The following GREB1 variants were observed in gnomAD, a reference collection of about 807,000 sequenced individuals.
GREB1 encodes protein GREB1.
A neutral mutation model predicts 200.7 loss-of-function variants in GREB1; 106 were observed. The observed-to-expected ratio is 0.53, with a 90% CI of 0.45 to 0.62. GREB1 has a LOEUF of 0.62. GREB1 is among the 20% of genes least tolerant of loss of function. The pLI, the probability that GREB1 is intolerant of heterozygous loss-of-function variation, is 0.00. For synonymous variants in GREB1, 1,132 were observed against 1,092.4 expected, an observed-to-expected ratio of 1.04 and a Z score of -0.72; for missense variants, 2,243 against 2,556.8, an observed-to-expected ratio of 0.88 and a Z score of 2.65.
intron 14 of GREB1, 91 bp downstream of exon 14, chr2:11,598,069 A>G: frequency 1.1e-6 from 1 of 911,016 alleles, no homozygotes; most frequent in East Asian, 2.4e-5. Context: ...TTTGCTATAG[A>G]GTGAATAGGG....
At chr2:11,489,473 T>C (rs527642493) in intron 1 of GREB1, among the ~76,000 whole-genome samples, 1 of 151,638 alleles carries the variant, frequency 6.6e-6, no homozygotes, top group Non-Finnish European at 1.5e-5. Context: ...GAAAAAAAAA[T>C]AAATAAAGAA....
At position 11,501,916 on chromosome 2, in the gene GREB1, T is replaced by G. The variant is rs1307532225; in HGVS notation, c.-159+19535T>G. Among the ~76,000 whole-genome samples the G allele has an allele frequency of 8.7e-3, 979 of 112,164 alleles. 36 individuals carry two copies. Among genetic ancestry groups the G allele is most frequent in the African/African-American group, 0.033 (894 of 27,166 alleles). The allele number at this position is 112,164 out of a possible 152,430, so 73.6% of individuals were successfully genotyped here. The stretch of plus-strand genomic sequence containing the variant: ...TCCTGTTTTTTTTTGTTTTTTTTTT[T>G]TTTTTTTTTTTTTTTTTGAGATGGA... On this transcript the variant is annotated intron_variant, in intron 1 of 2. Transcript: ENST00000628795.
intron 4 of GREB1, among the ~76,000 whole-genome samples, chr2:11,569,475 C>T (rs1436829893): frequency 6.6e-6 from 1 of 152,128 alleles, no homozygotes; most frequent in African/African-American, 2.4e-5. Flanking sequence ...CACACCGGCT[C>T]CCAGTGAGGA....
chr2:11,495,859 A>C (rs1558482794), intron 1 of GREB1, among the ~76,000 whole-genome samples: 1 of 149,388 alleles, frequency 6.7e-6, no homozygotes, highest in Non-Finnish European at 1.5e-5. Context: ...GAGTGGGGGA[A>C]GGAAGGGCCC....
chr2:11,617,687 G>A (rs895422232), intron 21 of GREB1, among the ~76,000 whole-genome samples: 22 of 152,296 alleles, frequency 1.4e-4, no homozygotes, highest in Non-Finnish European at 2.4e-4. Flanking sequence ...GCCTGGGTGC[G>A]GGGACGGGTG....
chr2:11,546,289 G>C (rs1242357181), intron 1 of GREB1, among the ~76,000 whole-genome samples: 1 of 152,150 alleles, frequency 6.6e-6, no homozygotes, highest in Non-Finnish European at 1.5e-5. Flanking sequence ...TTGTCATTGA[G>C]CTGTTGGAAG....
intron 32 of GREB1, 133 bp downstream of exon 32, chr2:11,638,942 C>T: frequency 1.1e-6 from 1 of 876,390 alleles, no homozygotes; most frequent in Non-Finnish European, 1.7e-6. Flanking sequence ...GAAGTGACTG[C>T]CTCAGCCACC....
In GREB1 at chr2:11,602,249, G is replaced by T. The variant is rs535437017; in HGVS notation, c.2530-157G>T. On this transcript the variant is annotated intron_variant, in intron 16 of 32. Transcript: ENST00000381486. Reference sequence around the variant, plus strand: ...GGAGGTACTTTGCTCTGCTTCTGCAGATGGAAGAAGTTTATAAAATGCCAT... The same window carrying T: ...GGAGGTACTTTGCTCTGCTTCTGCATATGGAAGAAGTTTATAAAATGCCAT... 4.5e-4 allele frequency among the ~76,000 whole-genome samples: 68 copies of T among 152,314 alleles called. 1 individual carries two copies. In the South Asian group the frequency reaches 0.014, roughly 31 times the overall value.
intron 3 of GREB1, chr2:11,563,217 C>T (rs1376969019): frequency 6.6e-6 from 1 of 152,256 alleles, no homozygotes; most frequent in East Asian, 1.9e-4. Context: ...AGGTGATCCA[C>T]CCACCTCAGC....
intron 23 of GREB1, among the ~76,000 whole-genome samples, chr2:11,621,225 A>G (rs1208784716): frequency 4.6e-5 from 7 of 152,174 alleles, no homozygotes; most frequent in Non-Finnish European, 7.3e-5. Flanking sequence ...CTGACTGTTT[A>G]CTGAGTACCT....
rs1477375685 is a variant in GREB1 at position 11,597,614 on chromosome 2, C to A, written c.1955-167C>A. On this transcript the variant is annotated intron_variant, in intron 13 of 32. Coordinates refer to ENST00000381486, the MANE Select transcript of GREB1 (RefSeq NM_014668.4). This position sits in a 1 kb window ranked among gnomAD's most constrained non-coding sequence, Gnocchi z 4.1. ...ATTGCTACCCCCACACCCGCCACTGCTTAGCTGAGAGCAGGGACTTGATAA... is the reference window on the plus strand; with the variant it reads ...ATTGCTACCCCCACACCCGCCACTGATTAGCTGAGAGCAGGGACTTGATAA... Among the ~76,000 whole-genome samples the A allele has an allele frequency of 6.6e-6, 1 of 152,180 alleles. No homozygotes were observed. The highest frequency in any genetic ancestry group is 2.4e-5 in the African/African-American group (1 of 41,446).
At chr2:11,639,510 C>T (rs1273559988) in intron 32 of GREB1, among the ~76,000 whole-genome samples, 3 of 152,232 alleles carry the variant, frequency 2.0e-5, no homozygotes, top group Non-Finnish European at 2.9e-5. Flanking sequence ...TTGGCTTTTA[C>T]GCCAGTCTTC....
Position 11,579,453 on chromosome 2 carries a change from G to A in GREB1, c.772+1022G>A, listed in dbSNP as rs143720476. ...GGCAATTGTAAGAATTAAATAAGGCGATAGTATGAGCAAGTACTCCAAGCG... is the reference window on the plus strand; with the variant it reads ...GGCAATTGTAAGAATTAAATAAGGCAATAGTATGAGCAAGTACTCCAAGCG... On this transcript the variant is annotated intron_variant, in intron 6 of 32. Transcript: ENST00000381486. Among the ~76,000 whole-genome samples the A allele has an allele frequency of 5.6e-3, 859 of 152,322 alleles. 12 individuals are homozygous for A. Among genetic ancestry groups the A allele is most frequent in the African/African-American group, 0.02 (830 of 41,564 alleles).
rs746596076 is a variant in GREB1, at chr2:11,493,639, C to T, written c.-159+11258C>T. Among the ~76,000 whole-genome samples the T allele has an allele frequency of 2.6e-5, 4 of 152,192 alleles. No homozygotes were observed. Among genetic ancestry groups the T allele is most frequent in the Non-Finnish European group, 4.4e-5 (3 of 68,040 alleles). The stretch of plus-strand genomic sequence containing the variant: ...CCTATGTAAAATTGGTTTCCTTATA[C>T]AGTATGTTATACTGAGCCAGTATTA... On this transcript the variant is annotated intron_variant, in intron 1 of 2. Coordinates refer to the GREB1 transcript ENST00000628795. This position sits in a 1 kb window ranked among gnomAD's most constrained non-coding sequence, Gnocchi z 4.6.
chr2:11,569,978 TTTAAAGGTTACC>T (rs1404563572), intron 4 of GREB1, among the ~76,000 whole-genome samples: 2 of 152,192 alleles, frequency 1.3e-5, no homozygotes, highest in African/African-American at 2.4e-5. Flanking sequence ...TCTAGCCTTC[TTTAAAGGTTACC>T]AACACGTGGC....
Position 11,580,505 on chromosome 2 carries a change from G to A in GREB1, c.773-199G>A, listed in dbSNP as rs998592900. Among the ~76,000 whole-genome samples, 1 of 152,128 alleles carries A rather than the reference G, an allele frequency of 6.6e-6. No homozygotes were observed. Among genetic ancestry groups the A allele is most frequent in the African/African-American group, 2.4e-5 (1 of 41,424 alleles). ...GTGTGTATGTGTGTACACGTGCATG[G>A]GGGTGTGTGTGTGTATGCATGTGTC... On this transcript the variant is annotated intron_variant, in intron 6 of 32. Transcript: ENST00000381486. This position sits in a 1 kb window ranked among gnomAD's most constrained non-coding sequence, Gnocchi z 4.5.
rs111609221 is a variant in GREB1, at chr2:11,499,718, A to G, written c.-159+17337A>G. Among the ~76,000 whole-genome samples the G allele has an allele frequency of 9.4e-4, 143 of 152,386 alleles. 1 individual carries two copies. In the East Asian group the frequency reaches 0.023, roughly 24 times the overall value. Reference sequence around the variant, plus strand: ...CAAAAACAAATTCCTCTACCTGGACATGACTGTTGTTAGCATTTTGGGAGA... The same window carrying G: ...CAAAAACAAATTCCTCTACCTGGACGTGACTGTTGTTAGCATTTTGGGAGA... On this transcript the variant is annotated intron_variant, in intron 1 of 2. Transcript: ENST00000628795.
At chr2:11,504,127 C>G (rs1192347452) in intron 1 of GREB1, among the ~76,000 whole-genome samples, 1 of 152,140 alleles carries the variant, frequency 6.6e-6, no homozygotes, top group Non-Finnish European at 1.5e-5. Flanking sequence ...TTCTTGTGAT[C>G]TGCTGATATG....
In GREB1 at chr2:11,592,912, A is replaced by C. The variant is rs753915626; in HGVS notation, c.1482A>C (p.Ala494=). The part of the protein sequence containing the change: ...QPFPPAPSAA[A]PVTSAQLPWL... The stretch of plus-strand genomic sequence containing the variant: ...TCCCGCCCGCGCCCAGCGCCGCGGC[A>C]CCCGTGACCTCCGCGCAGCTGCCCT... The change falls in exon 11 of 33, where the codon GCA becomes GCC. Residue 494 remains alanine, a synonymous_variant. Coordinates refer to ENST00000381486, the MANE Select transcript of GREB1 (RefSeq NM_014668.4). The C allele has an allele frequency of 1.3e-6, 2 of 1,588,848 alleles. No homozygotes were observed. The highest frequency in any genetic ancestry group is 1.7e-6 in the Non-Finnish European group (2 of 1,167,618).
Sources: allele counts gnomAD v4.1 joint callset (sites outside exome capture counted in the v4.1 genomes callset), GRCh38; gene constraint gnomAD v4.1.1; non-coding constraint Gnocchi (gnomAD v3.1); transcripts MANE v1.5; gene names NCBI Gene and HGNC (gene_info 2026-07-23, HGNC 2026-07-21).